SHISA9: variants seen among roughly 807,000 people sequenced by gnomAD.
SHISA9 encodes the protein shisa family member 9, also known as protein shisa-9.
Under a neutral mutation model 38.0 loss-of-function variants are expected in SHISA9, and 13 were observed. That is an observed-to-expected ratio of 0.34 (90% CI 0.22 to 0.54). SHISA9 has a LOEUF of 0.54. Ranked by LOEUF, SHISA9 falls within the 20% of genes least tolerant of loss-of-function variation. The pLI is 0.91. For missense variants in SHISA9, 538 were observed against 575.8 expected (o/e 0.93, Z 0.67); for synonymous variants, 275 against 242.0 (o/e 1.14, Z -1.27).
chr16:12,902,085 G>C lies in SHISA9; in HGVS notation c.21G>C (p.Leu7=). 1 of 1,492,266 alleles carries C rather than the reference G, an allele frequency of 6.7e-7. No individual in the cohort carries two copies. Among genetic ancestry groups the C allele is most frequent in the Non-Finnish European group, 8.9e-7 (1 of 1,129,640 alleles). 92.4% of individuals were successfully genotyped at this position (1,492,266 alleles called of 1,614,324 possible). The change falls in exon 1 of 5, where the codon CTG becomes CTC. Residue 7 remains leucine, a synonymous_variant. Coordinates refer to ENST00000558583, the MANE Select transcript of SHISA9 (RefSeq NM_001145204.3). MRRVLR[L]LLGCFLTELC... is the part of the protein sequence containing the mutation. Reference sequence around the variant, plus strand: ...ACACCATGCGCCGCGTCCTTCGGCTGCTCCTCGGTTGCTTCCTCACCGAGC... The same window carrying C: ...ACACCATGCGCCGCGTCCTTCGGCTCCTCCTCGGTTGCTTCCTCACCGAGC...
At chr16:12,955,948 A>T (rs769696745) in intron 2 of SHISA9, among the ~76,000 whole-genome samples, 25 of 152,248 alleles carry the variant, frequency 1.6e-4, no homozygotes, top group Non-Finnish European at 1.3e-4. Context: ...AGCAAAATAA[A>T]TAATCAACAG....
the SHISA9 span, among the ~76,000 whole-genome samples, chr16:13,381,184 G>C: frequency 6.6e-6 from 1 of 152,088 alleles, no homozygotes; most frequent in African/African-American, 2.4e-5. Context: ...ATTTTGAAGA[G>C]AAGCCCCTAG....
At chr16:13,093,657 C>G (rs1001387900) in intron 2 of SHISA9, among the ~76,000 whole-genome samples, 1 of 152,064 alleles carries the variant, frequency 6.6e-6, no homozygotes, top group Non-Finnish European at 1.5e-5. Context: ...GCAGTTCGGC[C>G]CTGGATTTTT....
At chr16:13,526,592 G>T in the SHISA9 span, among the ~76,000 whole-genome samples, 6 of 152,026 alleles carry the variant, frequency 3.9e-5, no homozygotes, top group African/African-American at 1.4e-4. Context: ...CACCATGTTG[G>T]CCAGGCTGGT....
the SHISA9 span, among the ~76,000 whole-genome samples, chr16:13,388,205 A>G: frequency 2.0e-5 from 3 of 152,118 alleles, no homozygotes; most frequent in Non-Finnish European, 4.4e-5. Context: ...CAATCCCAAG[A>G]GTCAAATAGG....
the SHISA9 span, among the ~76,000 whole-genome samples, chr16:13,493,341 A>G: frequency 6.6e-6 from 1 of 152,200 alleles, no homozygotes; most frequent in African/African-American, 2.4e-5. Flanking sequence ...ACAGTGCCTT[A>G]TTTCTGTTAA....
chr16:13,173,178 C>T (rs1423297350), intron 2 of SHISA9, among the ~76,000 whole-genome samples: 2 of 148,594 alleles, frequency 1.3e-5, no homozygotes, highest in East Asian at 1.9e-4. Flanking sequence ...CACACACACA[C>T]ATTCATTCTC....
chr16:13,233,365 G>A (rs1167740052), intron 4 of SHISA9, among the ~76,000 whole-genome samples: 3 of 152,178 alleles, frequency 2.0e-5, no homozygotes, highest in Admixed American at 6.5e-5. Context: ...TAGTTAAATT[G>A]AGTGGAAATT....
the SHISA9 span, among the ~76,000 whole-genome samples, chr16:13,397,487 T>C: frequency 6.6e-6 from 1 of 152,180 alleles, no homozygotes; most frequent in Admixed American, 6.5e-5. Context: ...TGGGGTGCAG[T>C]ACAGTAGTGC....
the SHISA9 span, among the ~76,000 whole-genome samples, chr16:13,394,291 C>T: frequency 1.3e-5 from 2 of 152,182 alleles, no homozygotes; most frequent in East Asian, 1.9e-4. Context: ...CCATAAGCAG[C>T]GTTAATGTCC....
At chr16:13,410,057 A>G in the SHISA9 span, among the ~76,000 whole-genome samples, 1 of 152,220 alleles carries the variant, frequency 6.6e-6, no homozygotes, top group Admixed American at 6.5e-5. Context: ...GTAGCATGGA[A>G]GATGGGATCT....
the SHISA9 span, among the ~76,000 whole-genome samples, chr16:13,503,589 T>C: frequency 6.6e-6 from 1 of 151,848 alleles, no homozygotes; most frequent in South Asian, 2.1e-4. Context: ...GCAGATATCT[T>C]AAGGCCCAGC....
the SHISA9 span, among the ~76,000 whole-genome samples, chr16:13,488,899 C>G: frequency 6.6e-6 from 1 of 152,104 alleles, no homozygotes; most frequent in East Asian, 1.9e-4. Flanking sequence ...GTAGCTGGGA[C>G]TACAGGCGCC....
At chr16:13,181,387 A>C (rs1166199433) in intron 2 of SHISA9, among the ~76,000 whole-genome samples, 1 of 149,818 alleles carries the variant, frequency 6.7e-6, no homozygotes, top group Non-Finnish European at 1.5e-5. Flanking sequence ...AAGTGAGAAC[A>C]TTCTAAGCAA....
chr16:13,118,180 TAAAA>T (rs543126630), intron 2 of SHISA9, among the ~76,000 whole-genome samples: 2 of 84,032 alleles, frequency 2.4e-5, no homozygotes, highest in African/African-American at 4.4e-5. Context: ...AGACTTCGTC[TAAAA>T]AAAAAAAAAA....
chr16:13,041,500 C>T (rs1470512006), intron 2 of SHISA9, among the ~76,000 whole-genome samples: 2 of 152,214 alleles, frequency 1.3e-5, no homozygotes. Context: ...GATATGGCTT[C>T]TGTAGACTGC....
At chr16:12,987,605 G>A (rs1004083977) in intron 2 of SHISA9, among the ~76,000 whole-genome samples, 13 of 152,134 alleles carry the variant, frequency 8.5e-5, no homozygotes, top group African/African-American at 2.7e-4. Flanking sequence ...GGAAGCTGGG[G>A]GAGGGAGAGC....
At chr16:13,229,254 G>A (rs2051308275) in intron 4 of SHISA9, among the ~76,000 whole-genome samples, 1 of 152,210 alleles carries the variant, frequency 6.6e-6, no homozygotes, top group African/African-American at 2.4e-5. Flanking sequence ...ATCTTGGAAC[G>A]CTAGTGAGTG....
At chr16:13,387,386 T>C in the SHISA9 span, among the ~76,000 whole-genome samples, 2 of 152,036 alleles carry the variant, frequency 1.3e-5, no homozygotes, top group Middle Eastern at 3.2e-3. Flanking sequence ...GAGAACATCA[T>C]ATGAAAATGG....
Sources: allele counts gnomAD v4.1 joint callset (sites outside exome capture counted in the v4.1 genomes callset), GRCh38; gene constraint gnomAD v4.1.1; transcripts MANE v1.5; gene names NCBI Gene and HGNC (gene_info 2026-07-23, HGNC 2026-07-21).